KIRREL3: variants seen among roughly 807,000 people sequenced by gnomAD.
KIRREL3 encodes the protein kin of IRRE-like protein 3.
Under a neutral mutation model 89.7 loss-of-function variants are expected in KIRREL3, and 36 were observed. The observed-to-expected ratio is 0.40, with a 90% CI of 0.31 to 0.53. KIRREL3 has a LOEUF of 0.53. KIRREL3 is among the 20% of genes least tolerant of loss of function. The probability of loss-of-function intolerance (pLI) is 0.49; values close to 1 mark genes in which losing one functional copy is unlikely to be tolerated. For synonymous variants in KIRREL3, 445 were observed against 441.4 expected (o/e 1.01, Z -0.10); for missense variants, 864 against 1,056.6 (o/e 0.82, Z 2.53).
At chr11:126,505,542 G>A (rs986355334) in intron 4 of KIRREL3, among the ~76,000 whole-genome samples, 2 of 151,534 alleles carry the variant, frequency 1.3e-5, no homozygotes, top group African/African-American at 4.9e-5. Flanking sequence ...TTGCACTTCA[G>A]CCTGGGCAAC....
At chr11:126,916,965 T>G (rs1947066819) in intron 1 of KIRREL3, among the ~76,000 whole-genome samples, 1 of 152,206 alleles carries the variant, frequency 6.6e-6, no homozygotes, top group African/African-American at 2.4e-5. Flanking sequence ...CGGGGACAGT[T>G]GGTCACCCTA....
chr11:126,670,150 C>T (rs1174402454), intron 1 of KIRREL3, among the ~76,000 whole-genome samples: 1 of 152,194 alleles, frequency 6.6e-6, no homozygotes, highest in African/African-American at 2.4e-5. Context: ...CTGTATTAGT[C>T]TTCCCAACTG....
Position 126,490,939 on chromosome 11 carries a change from G to A in KIRREL3, c.434-17473C>T, listed in dbSNP as rs1481940770. ...TGCAGGGGGTCCACAAATGCCTGAG[G>A]ATCCACAGCCCACCTGCACGAGGAG... is the stretch of plus-strand genomic sequence containing the variant. On this transcript the variant is annotated intron_variant, in intron 4 of 16. Coordinates refer to ENST00000525144, the MANE Select transcript of KIRREL3 (RefSeq NM_032531.4). The surrounding 1 kb of genome is among the most constrained non-coding windows in gnomAD (Gnocchi z 4.2). Among the ~76,000 whole-genome samples, 2 of 152,210 alleles carry A rather than the reference G, an allele frequency of 1.3e-5. No individual in the cohort carries two copies. The highest frequency in any genetic ancestry group is 2.9e-5 in the Non-Finnish European group (2 of 68,028).
At chr11:126,727,232 T>A (rs1948423431) in intron 1 of KIRREL3, among the ~76,000 whole-genome samples, 1 of 152,112 alleles carries the variant, frequency 6.6e-6, no homozygotes, top group Non-Finnish European at 1.5e-5. Context: ...GCTATTCCCC[T>A]TGGAGGCCGG....
intron 1 of KIRREL3, among the ~76,000 whole-genome samples, chr11:126,871,833 C>G (rs1230648894): frequency 1.3e-5 from 2 of 152,168 alleles, no homozygotes; most frequent in Admixed American, 6.5e-5. Context: ...TTCATCAGGT[C>G]CTGAACACTG....
At chr11:126,911,484 C>T in intron 1 of KIRREL3, among the ~76,000 whole-genome samples, 1 of 152,172 alleles carries the variant, frequency 6.6e-6, no homozygotes, top group East Asian at 1.9e-4. Context: ...ATTAAATCAC[C>T]TTCACGGCCT....
In KIRREL3 at chr11:126,574,139, A is replaced by G. The variant is rs751828137; in HGVS notation, c.56-11227T>C. 1.3e-5 allele frequency among the ~76,000 whole-genome samples: 2 copies of G among 152,238 alleles called. No individual in the cohort carries two copies. The highest frequency in any genetic ancestry group is 2.9e-5 in the Non-Finnish European group (2 of 68,052). The stretch of plus-strand genomic sequence containing the variant: ...TTATTGGCAACTAACACACCTGCAG[A>G]GCTTTGCAGTTGAAGAAGTAAATAC... On this transcript the variant is annotated intron_variant, in intron 1 of 16. Coordinates refer to ENST00000525144, the MANE Select transcript of KIRREL3 (RefSeq NM_032531.4). The surrounding 1 kb of genome is among the most constrained non-coding windows in gnomAD (Gnocchi z 5.3).
chr11:126,885,380 G>C (rs1271208492), intron 1 of KIRREL3, among the ~76,000 whole-genome samples: 2 of 152,146 alleles, frequency 1.3e-5, no homozygotes, highest in Non-Finnish European at 2.9e-5. Context: ...AAAACATAGA[G>C]TATGTTCTCA....
intron 1 of KIRREL3, among the ~76,000 whole-genome samples, chr11:126,972,205 G>GAGAGAGAGAGAGAGAGAGAGC (rs1949445226): frequency 4.9e-5 from 2 of 40,992 alleles, no homozygotes; most frequent in Non-Finnish European, 7.6e-5. Context: ...AGAGAGAGAG[G>GAGAGAGAGAGAGAGAGAGAGC]ACTGTGCATA....
chr11:126,610,621 C>A lies in KIRREL3; in HGVS notation c.56-47709G>T, dbSNP rs1213442364. 6.6e-6 allele frequency: 1 copy of A among 152,152 alleles called. No homozygotes were observed. Among genetic ancestry groups the A allele is most frequent in the Non-Finnish European group, 1.5e-5 (1 of 68,042 alleles). The allele number at this position is 152,152 out of a possible 1,614,324, so 9.4% of individuals were successfully genotyped here. A position where few individuals can be genotyped will look rare whatever the true frequency, so the allele number is the denominator to read the frequency against. On this transcript the variant is annotated intron_variant, in intron 1 of 16. Coordinates refer to ENST00000525144, the MANE Select transcript of KIRREL3 (RefSeq NM_032531.4). This position sits in a 1 kb window ranked among gnomAD's most constrained non-coding sequence, Gnocchi z 4.6. ...CTATAATCACATGGGGAGAAGGAGC[C>A]AACCGTGCATGTCTGAAGCAGGTAT...
chr11:126,922,007 C>CTATT (rs749805009), intron 1 of KIRREL3, among the ~76,000 whole-genome samples: 1 of 131,098 alleles, frequency 7.6e-6, no homozygotes, highest in Admixed American at 7.5e-5. Flanking sequence ...ATCTATCTAT[C>CTATT]ATCTATCTTC....
intron 1 of KIRREL3, among the ~76,000 whole-genome samples, chr11:126,659,660 G>A (rs1339857785): frequency 6.6e-6 from 1 of 152,208 alleles, no homozygotes; most frequent in Non-Finnish European, 1.5e-5. Context: ...GATGCTGCCC[G>A]AAGTCAGATC....
chr11:126,590,889 A>G (rs1054774095), intron 1 of KIRREL3, among the ~76,000 whole-genome samples: 2 of 152,078 alleles, frequency 1.3e-5, no homozygotes, highest in African/African-American at 4.8e-5. Context: ...TTTGTCCTGT[A>G]TGTCTCATTT....
Position 126,566,676 on chromosome 11 carries a change from G to A in KIRREL3, c.56-3764C>T, listed in dbSNP as rs77632770. Among the ~76,000 whole-genome samples, 12 of 152,270 alleles carry A rather than the reference G, an allele frequency of 7.9e-5. No homozygotes were observed. The East Asian group carries it at 2.1e-3, about 27-fold the overall frequency. On this transcript the variant is annotated intron_variant, in intron 1 of 16. Transcript: ENST00000525144. This position sits in a 1 kb window ranked among gnomAD's most constrained non-coding sequence, Gnocchi z 4.9. ...ATAAAAGGGGATGGCTTTTTAAATG[G>A]GATGGGTTTTCTTCCATTTCAGAGG...
chr11:126,733,225 A>G (rs1244694706), intron 1 of KIRREL3, among the ~76,000 whole-genome samples: 1 of 152,206 alleles, frequency 6.6e-6, no homozygotes, highest in African/African-American at 2.4e-5. Context: ...AGAGATGGTA[A>G]CGAGGCCTGG....
At chr11:126,889,620 C>A (rs1945832013) in intron 1 of KIRREL3, among the ~76,000 whole-genome samples, 1 of 152,206 alleles carries the variant, frequency 6.6e-6, no homozygotes, top group African/African-American at 2.4e-5. Flanking sequence ...ATATTACAGG[C>A]CACATCAGGG....
At position 126,552,550 on chromosome 11, in the gene KIRREL3, G is replaced by GTTTTTTT. The variant is rs59392843; in HGVS notation, c.133+10278_133+10284dup. Among the ~76,000 whole-genome samples, 557 of 81,728 alleles carry GTTTTTTT rather than the reference G, an allele frequency of 6.8e-3. 101 individuals are homozygous for GTTTTTTT. The highest frequency in any genetic ancestry group is 7.7e-3 in the Non-Finnish European group (329 of 42,982). The allele number at this position is 81,728 out of a possible 152,430, so 53.6% of individuals were successfully genotyped here. On this transcript the variant is annotated intron_variant, in intron 2 of 16. Transcript: ENST00000525144. ...TGCATCACACAGGGGAGAGAGAAAAGTTTTTTTTTTTTTTTTTTTTTTTTT... is the reference window on the plus strand; with the variant it reads ...TGCATCACACAGGGGAGAGAGAAAAGTTTTTTTTTTTTTTTTTTTTTTTTTTTTTTTT...
intron 1 of KIRREL3, among the ~76,000 whole-genome samples, chr11:126,950,304 T>C (rs954017836): frequency 1.3e-5 from 2 of 152,098 alleles, no homozygotes; most frequent in African/African-American, 2.4e-5. Context: ...GAGACGGAGA[T>C]TGCAGTGAGC....
chr11:126,986,094 CA>C (rs1173500827), intron 1 of KIRREL3, among the ~76,000 whole-genome samples: 5 of 152,150 alleles, frequency 3.3e-5, no homozygotes, highest in Non-Finnish European at 7.3e-5. Flanking sequence ...GGGATGCACA[CA>C]GGGTGTACAC....
Sources: allele counts gnomAD v4.1 joint callset (sites outside exome capture counted in the v4.1 genomes callset), GRCh38; gene constraint gnomAD v4.1.1; non-coding constraint Gnocchi (gnomAD v3.1); transcripts MANE v1.5; gene names NCBI Gene and HGNC (gene_info 2026-07-23, HGNC 2026-07-21).